CCDC172: variants seen among roughly 807,000 people sequenced by gnomAD.
CCDC172 encodes the protein coiled-coil domain containing 172.
In CCDC172, 30 loss-of-function variants were observed where a neutral mutation model predicts 38.0. That is an observed-to-expected ratio of 0.79 (90% CI 0.59 to 1.07). The LOEUF is 1.07. CCDC172 is among the 50% of genes least tolerant of loss of function. CCDC172 has a pLI of 0.00. For synonymous variants in CCDC172, 78 were observed against 88.3 expected (o/e 0.88, Z 0.66); for missense variants, 297 against 290.1 (o/e 1.02, Z -0.17).
Position 116,379,309 on chromosome 10 carries a change from T to A in CCDC172, c.742-14T>A. 1 of 1,543,268 alleles carries A rather than the reference T, an allele frequency of 6.5e-7. No individual in the cohort carries two copies. Among genetic ancestry groups the A allele is most frequent in the Non-Finnish European group, 8.8e-7 (1 of 1,136,708 alleles). On this transcript the variant is annotated splice_polypyrimidine_tract_variant and intron_variant, in intron 8 of 8. Coordinates refer to ENST00000333254, the MANE Select transcript of CCDC172 (RefSeq NM_198515.3). Reference sequence around the variant, plus strand: ...TACTTTTCCTCATGAGTAATTACTATGTTTTCTTTTCAGACATTGGCACAG... The same window carrying A: ...TACTTTTCCTCATGAGTAATTACTAAGTTTTCTTTTCAGACATTGGCACAG...
intron 7 of CCDC172, among the ~76,000 whole-genome samples, chr10:116,367,762 T>C (rs1198281680): frequency 6.6e-6 from 1 of 152,194 alleles, no homozygotes; most frequent in Non-Finnish European, 1.5e-5. Flanking sequence ...GTTATCTTAA[T>C]AGTGTTCATT....
intron 7 of CCDC172, among the ~76,000 whole-genome samples, chr10:116,374,761 ATAAC>A (rs1447682724): frequency 1.3e-5 from 2 of 152,098 alleles, no homozygotes; most frequent in African/African-American, 4.8e-5. Flanking sequence ...AGCCATATGA[ATAAC>A]TATATTAAAT....
chr10:116,369,065 C>A (rs753115473), intron 7 of CCDC172, among the ~76,000 whole-genome samples: 3 of 152,024 alleles, frequency 2.0e-5, no homozygotes, highest in Non-Finnish European at 4.4e-5. Flanking sequence ...TACTACACAT[C>A]CCACTGAGGG....
chr10:116,362,699 A>C (rs1845079038), intron 7 of CCDC172, among the ~76,000 whole-genome samples: 1 of 152,176 alleles, frequency 6.6e-6, no homozygotes, highest in Non-Finnish European at 1.5e-5. Flanking sequence ...TCTGTACCTT[A>C]CCTATATTGT....
chr10:116,354,716 C>T (rs770621440), intron 5 of CCDC172, among the ~76,000 whole-genome samples: 55 of 152,026 alleles, frequency 3.6e-4, no homozygotes, highest in Non-Finnish European at 6.8e-4. Flanking sequence ...GGTGACAGAG[C>T]GAGACTCTGT....
At chr10:116,331,959 C>G (rs943423921) in intron 3 of CCDC172, among the ~76,000 whole-genome samples, 1 of 152,116 alleles carries the variant, frequency 6.6e-6, no homozygotes, top group African/African-American at 2.4e-5. Context: ...TGGGATATAG[C>G]TCACTTATAC....
At chr10:116,331,270 A>G (rs1844659139) in intron 3 of CCDC172, among the ~76,000 whole-genome samples, 1 of 152,186 alleles carries the variant, frequency 6.6e-6, no homozygotes, top group South Asian at 2.1e-4. Flanking sequence ...ACAAAAAGAA[A>G]TTCTCAATAA....
rs987556034 is a variant in CCDC172 at position 116,379,611 on chromosome 10, A to C, written c.*253A>C. 3.1e-6 allele frequency: 1 copy of C among 318,622 alleles called. No individual in the cohort carries two copies. Among genetic ancestry groups the C allele is most frequent in the African/African-American group, 2.2e-5 (1 of 46,368 alleles). The allele number at this position is 318,622 out of a possible 1,614,324, so 19.7% of individuals were successfully genotyped here. A position where few individuals can be genotyped will look rare whatever the true frequency, so the allele number is the denominator to read the frequency against. The stretch of plus-strand genomic sequence containing the variant: ...AAAGAAGGAAAAGGAGAAGAAGTAG[A>C]TACCGTGTTCCCAGGCTTCTTATAT... On this transcript the variant is annotated 3_prime_UTR_variant, in exon 9 of 9. Transcript: ENST00000333254.
At chr10:116,374,669 G>A (rs1209399043) in intron 7 of CCDC172, among the ~76,000 whole-genome samples, 1 of 151,300 alleles carries the variant, frequency 6.6e-6, no homozygotes, top group Non-Finnish European at 1.5e-5. Flanking sequence ...TCCAAAAGCA[G>A]GTAGAAAGAG....
chr10:116,369,505 A>G (rs1845161448), intron 7 of CCDC172, among the ~76,000 whole-genome samples: 1 of 151,972 alleles, frequency 6.6e-6, no homozygotes, highest in Non-Finnish European at 1.5e-5. Flanking sequence ...TTTTTTATTT[A>G]ACAATATATC....
intron 7 of CCDC172, among the ~76,000 whole-genome samples, chr10:116,359,312 T>G (rs1402211874): frequency 1.3e-5 from 2 of 152,198 alleles, no homozygotes; most frequent in African/African-American, 4.8e-5. Flanking sequence ...ATTAAGTTGA[T>G]GTTGTTATTG....
At chr10:116,373,019 G>C (rs1288712483) in intron 7 of CCDC172, among the ~76,000 whole-genome samples, 1 of 152,074 alleles carries the variant, frequency 6.6e-6, no homozygotes, top group Non-Finnish European at 1.5e-5. Context: ...TTACAGAAAA[G>C]GGCTGTATAA....
Position 116,337,404 on chromosome 10 carries a change from C to T in CCDC172, c.166-3330C>T, listed in dbSNP as rs533047364. On this transcript the variant is annotated intron_variant, in intron 3 of 8. Coordinates refer to ENST00000333254, the MANE Select transcript of CCDC172 (RefSeq NM_198515.3). ...TGACCAGGTGATCCACCCGTCTCGG[C>T]CTCCCAAAGTGCTGGGATTACAGGT... Among the ~76,000 whole-genome samples, 29 of 152,230 alleles carry T rather than the reference C, an allele frequency of 1.9e-4. No individual in the cohort carries two copies. In the East Asian group the frequency reaches 3.3e-3, roughly 17 times the overall value.
chr10:116,373,074 T>C (rs965030694), intron 7 of CCDC172, among the ~76,000 whole-genome samples: 1 of 152,092 alleles, frequency 6.6e-6, no homozygotes, highest in Non-Finnish European at 1.5e-5. Flanking sequence ...TTTGGAGCTA[T>C]GCAAAGAAAT....
At chr10:116,364,883 G>A (rs1174933101) in intron 7 of CCDC172, among the ~76,000 whole-genome samples, 1 of 152,038 alleles carries the variant, frequency 6.6e-6, no homozygotes, top group Non-Finnish European at 1.5e-5. Flanking sequence ...GTTAATTAAG[G>A]GTTTTCTATG....
chr10:116,364,305 AGT>A lies in CCDC172; in HGVS notation c.653+6373_653+6374del, dbSNP rs549490964. On this transcript the variant is annotated intron_variant, in intron 7 of 8. Coordinates refer to ENST00000333254, the MANE Select transcript of CCDC172 (RefSeq NM_198515.3). ...CAAATGATCATAATCAAAATTGGCA[AGT>A]GTGTGCTGCAGAGATGACTTATACA... 2.3e-3 allele frequency among the ~76,000 whole-genome samples: 354 copies of A among 152,314 alleles called. 1 individual carries two copies. Among genetic ancestry groups the A allele is most frequent in the Non-Finnish European group, 4.0e-3 (272 of 68,024 alleles).
chr10:116,325,318 C>G lies in CCDC172; in HGVS notation c.95C>G (p.Thr32Ser). 6.2e-7 allele frequency: 1 copy of G among 1,613,080 alleles called. No homozygotes were observed. Reference protein sequence around the residue: ...RLMREVRSEITRCREKIKKAT... With the variant: ...RLMREVRSEISRCREKIKKAT... ...TTTATTACAGTAAGGTCGGAAATAA[C>G]CAGATGTCGTGAAAAAATTAAGAAA... The change falls in exon 3 of 9, where the codon ACC (threonine) becomes AGC (serine). Residue 32 changes from threonine (T) to serine (S), a missense_variant. Transcript: ENST00000333254.
In CCDC172 at chr10:116,379,171, C is replaced by T. The variant is rs182899137; in HGVS notation, c.742-152C>T. The T allele has an allele frequency of 4.0e-3, 1,860 of 469,462 alleles. 10 individuals carry two copies. Among genetic ancestry groups the T allele is most frequent in the Non-Finnish European group, 5.3e-3 (1,417 of 269,364 alleles). The allele number at this position is 469,462 out of a possible 1,614,324, so 29.1% of individuals were successfully genotyped here. On this transcript the variant is annotated intron_variant, in intron 8 of 8. Coordinates refer to ENST00000333254, the MANE Select transcript of CCDC172 (RefSeq NM_198515.3). ...ACATTTTCTTGTTCAAAAAATGTTT[C>T]AATAAGTTACCTTTGAATTTATTTT...
intron 3 of CCDC172, among the ~76,000 whole-genome samples, chr10:116,334,068 A>G (rs956854823): frequency 7.2e-5 from 11 of 152,196 alleles, no homozygotes; most frequent in African/African-American, 2.4e-4. Flanking sequence ...AATGTAGTCT[A>G]ATTTCTTCTG....
Sources: allele counts gnomAD v4.1 joint callset (sites outside exome capture counted in the v4.1 genomes callset), GRCh38; gene constraint gnomAD v4.1.1; transcripts MANE v1.5; gene names NCBI Gene and HGNC (gene_info 2026-07-23, HGNC 2026-07-21).